The following FAT3 variants were observed in gnomAD, a reference collection of about 807,000 sequenced individuals.
FAT3 encodes the protein FAT atypical cadherin 3, also known as protocadherin Fat 3.
Under a neutral mutation model 310.2 loss-of-function variants are expected in FAT3, and 95 were observed. That is an observed-to-expected ratio of 0.31 (90% CI 0.26 to 0.36). The LOEUF is 0.36. Ranked by LOEUF, FAT3 falls within the 10% of genes least tolerant of loss-of-function variation. The probability of loss-of-function intolerance (pLI) is 1.00; values close to 1 mark genes in which losing one functional copy is unlikely to be tolerated. For missense variants in FAT3, 5,408 were observed against 5,715.6 expected (o/e 0.95, Z 1.74); for synonymous variants, 2,314 against 2,192.9 (o/e 1.06, Z -1.54).
chr11:92,772,335 A>G (rs750056531), intron 6 of FAT3, among the ~76,000 whole-genome samples: 30 of 152,068 alleles, frequency 2.0e-4, no homozygotes, highest in Non-Finnish European at 4.1e-4. Context: ...TTTTCTCAGA[A>G]TGTACCGCTT....
At chr11:92,714,844 A>G (rs1454498117) in intron 4 of FAT3, among the ~76,000 whole-genome samples, 1 of 152,212 alleles carries the variant, frequency 6.6e-6, no homozygotes, top group Non-Finnish European at 1.5e-5. Context: ...AGTTGAATGA[A>G]TGAATGAATG....
chr11:92,767,870 C>A (rs1946355706), intron 6 of FAT3, among the ~76,000 whole-genome samples: 2 of 152,234 alleles, frequency 1.3e-5, no homozygotes, highest in Non-Finnish European at 2.9e-5. Flanking sequence ...ATACCCCAGG[C>A]AGCCACTATG....
chr11:92,549,112 G>T (rs1383680736), intron 3 of FAT3, among the ~76,000 whole-genome samples: 1 of 152,116 alleles, frequency 6.6e-6, no homozygotes, highest in Non-Finnish European at 1.5e-5. Context: ...GGTGCCAAAT[G>T]GTTCTAAATG....
At chr11:92,254,509 G>A (rs1865240283) in intron 1 of FAT3, among the ~76,000 whole-genome samples, 1 of 152,084 alleles carries the variant, frequency 6.6e-6, no homozygotes, top group Admixed American at 6.6e-5. Flanking sequence ...GAGAAAATTA[G>A]GACATTTTTA....
chr11:92,529,342 A>C (rs1049321000), intron 3 of FAT3, among the ~76,000 whole-genome samples: 3 of 152,216 alleles, frequency 2.0e-5, no homozygotes, highest in Admixed American at 2.0e-4. Context: ...GACAGAGGCC[A>C]GATAACTATA....
intron 1 of FAT3, among the ~76,000 whole-genome samples, chr11:92,259,004 G>A (rs756799847): frequency 2.0e-5 from 3 of 151,852 alleles, no homozygotes; most frequent in Non-Finnish European, 2.9e-5. Context: ...GAATGTGGTT[G>A]GGCTGTGTGT....
chr11:92,427,215 T>TATAGGAATGCTTG (rs1180072044), intron 2 of FAT3, among the ~76,000 whole-genome samples: 1 of 152,208 alleles, frequency 6.6e-6, no homozygotes, highest in African/African-American at 2.4e-5. Flanking sequence ...TTTTTACACA[T>TATAGGAATGCTTG]TGATTTTGTA....
intron 2 of FAT3, among the ~76,000 whole-genome samples, chr11:92,455,169 T>C (rs769666078): frequency 1.3e-4 from 20 of 152,212 alleles, no homozygotes; most frequent in Middle Eastern, 3.2e-3. Flanking sequence ...GACACTAGAA[T>C]GGTGTTCACA....
chr11:92,381,552 C>T (rs563090432), intron 2 of FAT3, among the ~76,000 whole-genome samples: 7 of 152,208 alleles, frequency 4.6e-5, no homozygotes, highest in Non-Finnish European at 1.0e-4. Flanking sequence ...GTGGTGGGTG[C>T]ATTCACATTT....
At chr11:92,756,077 C>T (rs939796539) in intron 4 of FAT3, among the ~76,000 whole-genome samples, 1 of 152,082 alleles carries the variant, frequency 6.6e-6, no homozygotes, top group Non-Finnish European at 1.5e-5. Flanking sequence ...GTGATAACCA[C>T]GTAAGTGAAA....
At chr11:92,456,857 G>A (rs1455334356) in intron 2 of FAT3, among the ~76,000 whole-genome samples, 1 of 152,136 alleles carries the variant, frequency 6.6e-6, no homozygotes, top group Non-Finnish European at 1.5e-5. Flanking sequence ...TTGGGCATGT[G>A]TGCCATGGTG....
intron 3 of FAT3, among the ~76,000 whole-genome samples, chr11:92,625,740 T>C (rs1207817737): frequency 3.2e-5 from 1 of 30,876 alleles, no homozygotes; most frequent in African/African-American, 3.3e-4. Context: ...GTCCTTCAAC[T>C]TTTTTTTTTT....
chr11:92,338,184 G>T (rs1051288903), intron 1 of FAT3, among the ~76,000 whole-genome samples: 1 of 152,136 alleles, frequency 6.6e-6, no homozygotes, highest in African/African-American at 2.4e-5. Flanking sequence ...GCTCAAAATT[G>T]CTGCTTTCCC....
At chr11:92,718,116 C>T (rs577814020) in intron 4 of FAT3, among the ~76,000 whole-genome samples, 3 of 152,214 alleles carry the variant, frequency 2.0e-5, no homozygotes, top group South Asian at 2.1e-4. Flanking sequence ...CCTGGCTTCT[C>T]TTCTTATTGT....
At chr11:92,793,005 C>T in intron 9 of FAT3, 28 bp downstream of exon 9, 1 of 1,604,918 alleles carries the variant, frequency 6.2e-7, no homozygotes, top group Non-Finnish European at 8.5e-7. Flanking sequence ...GCACAGATTT[C>T]AGCATAATGC....
Position 92,891,439 on chromosome 11 carries a change from T to G in FAT3, c.*326T>G. On this transcript the variant is annotated 3_prime_UTR_variant, in exon 28 of 28. Coordinates refer to ENST00000525166, the MANE Select transcript of FAT3 (RefSeq NM_001367949.2). ...TCTTGTATGGCTTTGTGCAGTATTG[T>G]GCCCTGGAAAGTGTTACAGCATCAG... 2.8e-6 allele frequency: 1 copy of G among 357,854 alleles called. No homozygotes were observed. Among genetic ancestry groups the G allele is most frequent in the Non-Finnish European group, 5.3e-6 (1 of 188,086 alleles). 22.2% of individuals were successfully genotyped at this position (357,854 alleles called of 1,614,324 possible).
At chr11:92,239,705 T>C (rs759378342) in intron 1 of FAT3, among the ~76,000 whole-genome samples, 14 of 152,104 alleles carry the variant, frequency 9.2e-5, no homozygotes, top group Non-Finnish European at 1.8e-4. Flanking sequence ...AATTAGGAAG[T>C]TGGAAATCTA....
At chr11:92,734,717 A>G (rs1945291086) in intron 4 of FAT3, among the ~76,000 whole-genome samples, 1 of 152,198 alleles carries the variant, frequency 6.6e-6, no homozygotes, top group Non-Finnish European at 1.5e-5. Flanking sequence ...TATATATTCC[A>G]GAGAGAAGGA....
At chr11:92,237,729 T>C (rs1396530827) in intron 1 of FAT3, among the ~76,000 whole-genome samples, 1 of 152,106 alleles carries the variant, frequency 6.6e-6, no homozygotes, top group African/African-American at 2.4e-5. Context: ...TAGACAGTCC[T>C]TCCAAAAAAT....
Sources: allele counts gnomAD v4.1 joint callset (sites outside exome capture counted in the v4.1 genomes callset), GRCh38; gene constraint gnomAD v4.1.1; transcripts MANE v1.5; gene names NCBI Gene and HGNC (gene_info 2026-07-23, HGNC 2026-07-21).